The following BAZ2B variants were observed in gnomAD, a reference collection of about 807,000 sequenced individuals.
The protein encoded by BAZ2B is bromodomain adjacent to zinc finger domain 2B, also known as bromodomain adjacent to zinc finger domain protein 2B.
BAZ2B carries 91 observed loss-of-function variants against 246.0 expected under a neutral mutation model. The observed-to-expected ratio is 0.37, with a 90% confidence interval of 0.31 to 0.44. BAZ2B has a LOEUF of 0.44. Ranked by LOEUF, BAZ2B falls within the 20% of genes least tolerant of loss-of-function variation. BAZ2B has a pLI of 1.00. For missense variants in BAZ2B, 2,332 were observed against 2,533.7 expected (o/e 0.92, Z 1.71); for synonymous variants, 855 against 860.0 (o/e 0.99, Z 0.10).
At chr2:159,430,457 G>A (rs938671423) in intron 10 of BAZ2B, among the ~76,000 whole-genome samples, 1 of 152,148 alleles carries the variant, frequency 6.6e-6, no homozygotes, top group Admixed American at 6.6e-5. Flanking sequence ...TCAATAGTAG[G>A]CTAACAGTTA....
chr2:159,399,762 T>C (rs1207588316), intron 17 of BAZ2B, among the ~76,000 whole-genome samples: 1 of 152,154 alleles, frequency 6.6e-6, no homozygotes, highest in Admixed American at 6.5e-5. Flanking sequence ...GGGAATAAAC[T>C]GTTCTATAAA....
At chr2:159,387,895 C>T (rs1223649175) in intron 21 of BAZ2B, among the ~76,000 whole-genome samples, 2 of 152,000 alleles carry the variant, frequency 1.3e-5, no homozygotes, top group African/African-American at 2.4e-5. Context: ...ATCCAAATGA[C>T]TACAACTAGT....
At chr2:159,625,503 A>C in the BAZ2B span, among the ~76,000 whole-genome samples, 1 of 152,220 alleles carries the variant, frequency 6.6e-6, no homozygotes, top group Non-Finnish European at 1.5e-5. Context: ...ACAAGCCAGA[A>C]GAGAGTGGGG....
At chr2:159,578,689 A>C (rs1388697854) in intron 1 of BAZ2B, among the ~76,000 whole-genome samples, 2 of 152,214 alleles carry the variant, frequency 1.3e-5, no homozygotes, top group African/African-American at 4.8e-5. Flanking sequence ...AGCACTCCTC[A>C]GCAAATGTAA....
At chr2:159,527,794 T>G (rs1460851513) in intron 2 of BAZ2B, among the ~76,000 whole-genome samples, 1 of 152,188 alleles carries the variant, frequency 6.6e-6, no homozygotes, top group South Asian at 2.1e-4. Flanking sequence ...AATATATATT[T>G]TTATTTCACT....
intron 1 of BAZ2B, among the ~76,000 whole-genome samples, chr2:159,604,751 T>C (rs935972372): frequency 7.2e-5 from 11 of 152,122 alleles, no homozygotes; most frequent in African/African-American, 2.4e-4. Flanking sequence ...TGATGGGAAG[T>C]TGGGCCTTAA....
chr2:159,711,199 C>A, the BAZ2B span, among the ~76,000 whole-genome samples: 1 of 152,138 alleles, frequency 6.6e-6, no homozygotes, highest in Non-Finnish European at 1.5e-5. Context: ...TGCAGGGGCA[C>A]TCGAACAGGC....
chr2:159,644,213 T>A, the BAZ2B span, among the ~76,000 whole-genome samples: 2 of 152,218 alleles, frequency 1.3e-5, no homozygotes, highest in Non-Finnish European at 2.9e-5. Flanking sequence ...ACAAGCTATA[T>A]GCTTCAAAAA....
the BAZ2B span, among the ~76,000 whole-genome samples, chr2:159,628,795 G>A: frequency 6.6e-6 from 1 of 152,166 alleles, no homozygotes; most frequent in African/African-American, 2.4e-5. Flanking sequence ...AGAAGTAATG[G>A]CAACAAAAGC....
At chr2:159,325,022 C>T (rs2063255414) in intron 35 of BAZ2B, 68 bp from the exon 36 acceptor site, 1 of 424,586 alleles carries the variant, frequency 2.4e-6, no homozygotes, top group Non-Finnish European at 3.3e-6. Context: ...ATTAAAAAAG[C>T]TTTCAGTTAT....
chr2:159,511,392 G>C (rs903380372), intron 2 of BAZ2B, among the ~76,000 whole-genome samples: 4 of 152,086 alleles, frequency 2.6e-5, no homozygotes, highest in African/African-American at 9.7e-5. Context: ...TTTTAGTAGA[G>C]ATGGGGTTTC....
chr2:159,412,070 G>T, intron 14 of BAZ2B: 1 of 651,320 alleles, frequency 1.5e-6, no homozygotes, highest in Non-Finnish European at 1.9e-6. Context: ...TTCCCTTTCT[G>T]TGCAAGCCTT....
the BAZ2B span, among the ~76,000 whole-genome samples, chr2:159,626,895 G>T: frequency 6.6e-6 from 1 of 152,050 alleles, no homozygotes; most frequent in Admixed American, 6.6e-5. Context: ...TTTTTGAAAA[G>T]ATCAACAAAA....
chr2:159,388,082 T>C (rs998171639), intron 21 of BAZ2B, among the ~76,000 whole-genome samples: 1 of 151,886 alleles, frequency 6.6e-6, no homozygotes, highest in Non-Finnish European at 1.5e-5. Context: ...CATATGTAAC[T>C]AACCTGCACA....
At chr2:159,647,129 A>C in the BAZ2B span, among the ~76,000 whole-genome samples, 18 of 152,140 alleles carry the variant, frequency 1.2e-4, no homozygotes, top group African/African-American at 3.9e-4. Flanking sequence ...TTGGATCCAA[A>C]ATCTATATTA....
At chr2:159,344,928 G>C (rs1157338335) in intron 31 of BAZ2B, among the ~76,000 whole-genome samples, 1 of 152,116 alleles carries the variant, frequency 6.6e-6, no homozygotes, top group Non-Finnish European at 1.5e-5. Context: ...CAAAATTACT[G>C]GCTGGGCGCA....
At chr2:159,324,655 C>T (rs1038862889) in intron 36 of BAZ2B, among the ~76,000 whole-genome samples, 156 bp downstream of exon 36, 2 of 130,638 alleles carry the variant, frequency 1.5e-5, no homozygotes, top group African/African-American at 6.5e-5. Context: ...CACACACACA[C>T]ACACACACAC....
intron 27 of BAZ2B, among the ~76,000 whole-genome samples, chr2:159,366,490 G>A (rs1318749381): frequency 6.6e-6 from 1 of 152,200 alleles, no homozygotes; most frequent in Non-Finnish European, 1.5e-5. Context: ...TTTTCCAGCT[G>A]TGGTCTCCAG....
the BAZ2B span, among the ~76,000 whole-genome samples, chr2:159,673,162 A>G: frequency 1.3e-5 from 2 of 152,158 alleles, no homozygotes; most frequent in African/African-American, 4.8e-5. Context: ...TAGATAACCA[A>G]TTAAAAACTC....
Sources: allele counts gnomAD v4.1 joint callset (sites outside exome capture counted in the v4.1 genomes callset), GRCh38; gene constraint gnomAD v4.1.1; transcripts MANE v1.5; gene names NCBI Gene and HGNC (gene_info 2026-07-23, HGNC 2026-07-21).